Variants in SNX29 observed in about 807,000 individuals in gnomAD.
SNX29 encodes the protein sorting nexin-29.
SNX29 carries 78 observed loss-of-function variants against 102.1 expected under a neutral mutation model. The observed-to-expected ratio is 0.76, with a 90% CI of 0.64 to 0.92. The LOEUF (loss-of-function observed/expected upper bound fraction) is 0.92. SNX29 is among the 40% of genes least tolerant of loss of function. The pLI, the probability that SNX29 is intolerant of heterozygous loss-of-function variation, is 0.00. For missense variants in SNX29, 1,280 were observed against 1,061.7 expected (o/e 1.21, Z -2.86); for synonymous variants, 580 against 414.5 (o/e 1.40, Z -4.85).
chr16:12,026,416 G>C (rs1314191948), intron 3 of SNX29, among the ~76,000 whole-genome samples: 2 of 152,188 alleles, frequency 1.3e-5, no homozygotes, highest in Non-Finnish European at 2.9e-5. Flanking sequence ...TCAGAGCCTA[G>C]AACAGTGCCT....
intron 13 of SNX29, among the ~76,000 whole-genome samples, chr16:12,143,949 A>C (rs2054957774): frequency 6.6e-6 from 1 of 152,200 alleles, no homozygotes; most frequent in Non-Finnish European, 1.5e-5. Flanking sequence ...TCCAGTGTGC[A>C]GTCAAGGTTG....
rs143973553 is a variant in SNX29, at chr16:12,566,040, T to G, written c.2319-2466T>G. Reference sequence around the variant, plus strand: ...CATGGTGGTGACACAGGTCATGTGTTTGAATGTTCACTGTTGCCCATTGTC... The same window carrying G: ...CATGGTGGTGACACAGGTCATGTGTGTGAATGTTCACTGTTGCCCATTGTC... On this transcript the variant is annotated intron_variant, in intron 20 of 20. Transcript: ENST00000566228. 7.2e-5 allele frequency among the ~76,000 whole-genome samples: 11 copies of G among 152,352 alleles called. No individual in the cohort carries two copies. The South Asian group carries it at 2.3e-3, about 32-fold the overall frequency.
At chr16:12,566,442 G>C (rs1327130271) in intron 20 of SNX29, among the ~76,000 whole-genome samples, 4 of 152,188 alleles carry the variant, frequency 2.6e-5, no homozygotes, top group East Asian at 3.9e-4. Flanking sequence ...CCCAAGCTCT[G>C]GTCATTGCAG....
chr16:12,312,204 G>A (rs115000441), intron 15 of SNX29, among the ~76,000 whole-genome samples: 1,633 of 152,308 alleles, frequency 0.011, 24 homozygotes, highest in African/African-American at 0.037. Context: ...CAGCTGCAGT[G>A]CTTGATCTGT....
intron 11 of SNX29, among the ~76,000 whole-genome samples, chr16:12,123,538 A>G (rs1290470608): frequency 6.6e-6 from 1 of 152,212 alleles, no homozygotes; most frequent in Non-Finnish European, 1.5e-5. Context: ...TATATCATAT[A>G]CATATACATC....
At chr16:12,462,271 C>G (rs978770278) in intron 18 of SNX29, among the ~76,000 whole-genome samples, 1 of 151,428 alleles carries the variant, frequency 6.6e-6, no homozygotes, top group Non-Finnish European at 1.5e-5. Context: ...CCTCTTTTTT[C>G]CTGAAGGATA....
chr16:12,279,375 G>A (rs560334735), intron 15 of SNX29, among the ~76,000 whole-genome samples: 1 of 152,320 alleles, frequency 6.6e-6, no homozygotes, highest in African/African-American at 2.4e-5. Context: ...TTTAGAAACA[G>A]CTTGCATTCT....
intron 13 of SNX29, among the ~76,000 whole-genome samples, chr16:12,143,739 C>T (rs1011722991): frequency 6.6e-6 from 1 of 152,204 alleles, no homozygotes; most frequent in African/African-American, 2.4e-5. Context: ...TCATTCTCTG[C>T]AGTTAATCTA....
intron 3 of SNX29, among the ~76,000 whole-genome samples, chr16:12,025,866 G>A (rs116371959): frequency 0.013 from 1,955 of 152,302 alleles, 31 homozygotes; most frequent in African/African-American, 0.044. Flanking sequence ...ATCAGCTTGC[G>A]AGGATGGAGT....
intron 14 of SNX29, among the ~76,000 whole-genome samples, chr16:12,267,074 T>TG (rs2078951289): frequency 6.6e-6 from 1 of 152,230 alleles, no homozygotes. Flanking sequence ...CTGTACTTTT[T>TG]GGGTAGTGTT....
chr16:12,029,651 G>T, intron 4 of SNX29: 1 of 451,786 alleles, frequency 2.2e-6, no homozygotes, highest in Non-Finnish European at 4.4e-6. Flanking sequence ...GAGTGCAGTG[G>T]CATGATCTCA....
At chr16:12,076,252 G>A (rs888657552) in intron 10 of SNX29, among the ~76,000 whole-genome samples, 5 of 151,662 alleles carry the variant, frequency 3.3e-5, no homozygotes, top group South Asian at 2.1e-4. Context: ...CGTCACTCAC[G>A]CTGGGAGCTG....
chr16:12,405,377 C>T (rs2084117829), intron 18 of SNX29, among the ~76,000 whole-genome samples: 2 of 152,078 alleles, frequency 1.3e-5, no homozygotes. Flanking sequence ...GCCACTGTGG[C>T]AGTGAAGCCA....
chr16:12,144,612 G>C (rs1301519939), intron 13 of SNX29, among the ~76,000 whole-genome samples: 1 of 152,206 alleles, frequency 6.6e-6, no homozygotes, highest in Non-Finnish European at 1.5e-5. Flanking sequence ...CTTGATCGTG[G>C]ACTTCCCAGC....
intron 3 of SNX29, among the ~76,000 whole-genome samples, chr16:12,017,610 C>T (rs1463423868): frequency 6.6e-6 from 1 of 152,160 alleles, no homozygotes; most frequent in East Asian, 1.9e-4. Context: ...ATCTTATCCT[C>T]AGATTCTTCA....
intron 13 of SNX29, among the ~76,000 whole-genome samples, chr16:12,171,806 T>A (rs559414777): frequency 6.6e-6 from 1 of 152,348 alleles, no homozygotes; most frequent in South Asian, 2.1e-4. Context: ...TCTAATGTCT[T>A]GTGGTGTGGT....
chr16:12,477,434 A>G (rs541647801), intron 18 of SNX29, among the ~76,000 whole-genome samples: 15 of 152,330 alleles, frequency 9.8e-5, no homozygotes, highest in African/African-American at 3.4e-4. Context: ...AACATGAAAC[A>G]TGCATCTCTG....
At chr16:12,558,965 G>T (rs1294641143) in intron 20 of SNX29, among the ~76,000 whole-genome samples, 2 of 152,200 alleles carry the variant, frequency 1.3e-5, no homozygotes, top group African/African-American at 2.4e-5. Flanking sequence ...TCAGGTAACA[G>T]AGGGATTCAG....
At chr16:12,183,860 G>A (rs2076449794) in intron 13 of SNX29, among the ~76,000 whole-genome samples, 1 of 152,190 alleles carries the variant, frequency 6.6e-6, no homozygotes, top group Non-Finnish European at 1.5e-5. Flanking sequence ...GTGACCTCTA[G>A]TCATCATCAC....
Sources: gnomAD v4.1 joint callset for allele counts (sites outside exome capture counted in the v4.1 genomes callset) on GRCh38, gnomAD v4.1.1 for gene constraint, MANE v1.5 for transcripts, NCBI Gene and HGNC (gene_info 2026-07-23, HGNC 2026-07-21) for gene names.